The following FARS2 variants were observed in gnomAD, a reference collection of about 807,000 sequenced individuals.
FARS2 encodes the protein phenylalanyl-tRNA synthetase 2, mitochondrial.
A neutral mutation model predicts 46.4 loss-of-function variants in FARS2; 40 were observed. That is an observed-to-expected ratio of 0.86 (90% CI 0.67 to 1.12). The LOEUF (loss-of-function observed/expected upper bound fraction) is 1.12. Among genes scored for constraint, FARS2 ranks in the 50% most tolerant of loss-of-function variants. The pLI is 0.00. For missense variants in FARS2, 513 were observed against 567.9 expected (o/e 0.90, Z 0.98); for synonymous variants, 234 against 214.9 (o/e 1.09, Z -0.78).
At chr6:5,294,162 C>T (rs1767692672) in intron 1 of FARS2, among the ~76,000 whole-genome samples, 1 of 152,106 alleles carries the variant, frequency 6.6e-6, no homozygotes, top group African/African-American at 2.4e-5. Context: ...TTTATCAGTT[C>T]AGTTTAGCCA....
intron 4 of FARS2, among the ~76,000 whole-genome samples, chr6:5,497,603 AACTG>A (rs1304843031): frequency 3.3e-5 from 5 of 152,232 alleles, no homozygotes; most frequent in African/African-American, 1.2e-4. Flanking sequence ...AGCCTGTATT[AACTG>A]TTATCATGGT....
At chr6:5,486,563 T>A (rs980422859) in intron 4 of FARS2, among the ~76,000 whole-genome samples, 3 of 152,242 alleles carry the variant, frequency 2.0e-5, no homozygotes, top group Admixed American at 6.5e-5. Flanking sequence ...TTGCTTTCCC[T>A]TTGCTTGTGA....
chr6:5,537,242 T>C (rs1322646182), intron 4 of FARS2, among the ~76,000 whole-genome samples: 3 of 152,232 alleles, frequency 2.0e-5, no homozygotes, highest in African/African-American at 7.2e-5. Context: ...ACTCTGGGGA[T>C]AGAGGTTTGA....
At chr6:5,515,217 C>T (rs9504421) in intron 4 of FARS2, among the ~76,000 whole-genome samples, 21,151 of 151,864 alleles carry the variant, frequency 0.14, 1,504 homozygotes, top group South Asian at 0.19. Context: ...AATGTGACAC[C>T]GCACTGCTAC....
At chr6:5,658,263 A>C (rs1777694558) in intron 6 of FARS2, among the ~76,000 whole-genome samples, 1 of 152,176 alleles carries the variant, frequency 6.6e-6, no homozygotes, top group South Asian at 2.1e-4. Flanking sequence ...TCTCAAAAAA[A>C]AAAAAAAAAG....
At chr6:5,615,178 T>C (rs1342792533) in intron 6 of FARS2, among the ~76,000 whole-genome samples, 1 of 152,256 alleles carries the variant, frequency 6.6e-6, no homozygotes, top group Non-Finnish European at 1.5e-5. Context: ...GAATTATATC[T>C]TTAGGGATTT....
Position 5,329,461 on chromosome 6 carries a change from G to GT in FARS2, c.-21-39084dup, listed in dbSNP as rs1408367513. 3.5e-5 allele frequency among the ~76,000 whole-genome samples: 5 copies of GT among 144,550 alleles called. No individual in the cohort carries two copies. In the Admixed American group the frequency reaches 3.6e-4, roughly 10 times the overall value. The allele number at this position is 144,550 out of a possible 152,430, so 94.8% of individuals were successfully genotyped here. On this transcript the variant is annotated intron_variant, in intron 1 of 6. Coordinates refer to ENST00000274680, the MANE Select transcript of FARS2 (RefSeq NM_006567.5). Reference sequence around the variant, plus strand: ...AAAACTTGTGACAACAAATGTATGAGTTTTTAAATTTTTTTTATGTCAACC... The same window carrying GT: ...AAAACTTGTGACAACAAATGTATGAGTTTTTTAAATTTTTTTTATGTCAACC...
chr6:5,755,547 T>C (rs1191657312), intron 6 of FARS2, among the ~76,000 whole-genome samples: 1 of 152,258 alleles, frequency 6.6e-6, no homozygotes, highest in Non-Finnish European at 1.5e-5. Context: ...TTCTTTTATG[T>C]CTTTAAGCAT....
At chr6:5,518,673 A>G (rs185635735) in intron 4 of FARS2, among the ~76,000 whole-genome samples, 1 of 152,348 alleles carries the variant, frequency 6.6e-6, no homozygotes, top group East Asian at 1.9e-4. Flanking sequence ...AATTTTTATT[A>G]TAATTAATGT....
At chr6:5,265,667 A>G (rs553099255) in intron 1 of FARS2, among the ~76,000 whole-genome samples, 19 of 152,294 alleles carry the variant, frequency 1.2e-4, no homozygotes, top group African/African-American at 4.1e-4. Flanking sequence ...TAAATCAAAC[A>G]CTGATCCTGT....
At chr6:5,448,122 A>G (rs1764282655) in intron 4 of FARS2, among the ~76,000 whole-genome samples, 1 of 150,284 alleles carries the variant, frequency 6.7e-6, no homozygotes, top group Non-Finnish European at 1.5e-5. Flanking sequence ...GGGGACAGTG[A>G]GAGTGCTGGT....
chr6:5,771,327 C>T lies in FARS2; in HGVS notation c.1254C>T (p.Tyr418=). The T allele has an allele frequency of 6.2e-7, 1 of 1,614,224 alleles. No homozygotes were observed. The highest frequency in any genetic ancestry group is 8.5e-7 in the Non-Finnish European group (1 of 1,180,042). The change falls in exon 7 of 7, where the codon TAC becomes TAT. Residue 418 remains tyrosine (Y), a synonymous_variant. Coordinates refer to ENST00000274680, the MANE Select transcript of FARS2 (RefSeq NM_006567.5). ...CCAGCCACTGCTACCGCATCACGTA[C>T]CGCCACATGGAACGGACTCTGTCCC... ...HKTSHCYRIT[Y]RHMERTLSQR...
At chr6:5,763,484 CT>C (rs1301017486) in intron 6 of FARS2, among the ~76,000 whole-genome samples, 2 of 152,102 alleles carry the variant, frequency 1.3e-5, no homozygotes, top group African/African-American at 2.4e-5. Flanking sequence ...AAAAGGATCT[CT>C]TCTGTCTTCT....
chr6:5,631,247 A>T (rs1030706280), intron 6 of FARS2, among the ~76,000 whole-genome samples: 5 of 152,196 alleles, frequency 3.3e-5, no homozygotes, highest in African/African-American at 1.2e-4. Flanking sequence ...TGCATTGAAC[A>T]TCTTAGTTTT....
chr6:5,292,701 C>G (rs1044525888), intron 1 of FARS2, among the ~76,000 whole-genome samples: 4 of 152,098 alleles, frequency 2.6e-5, no homozygotes, highest in Non-Finnish European at 4.4e-5. Context: ...GCACCTGTAG[C>G]CTGGAGCTTT....
chr6:5,368,453 C>T, intron 1 of FARS2, 97 bp from the exon 2 acceptor site: 2 of 1,073,064 alleles, frequency 1.9e-6, no homozygotes, highest in Non-Finnish European at 2.7e-6. Context: ...GGAAACATGC[C>T]AGTAGGACAA....
intron 1 of FARS2, among the ~76,000 whole-genome samples, chr6:5,358,139 G>C (rs1372523991): frequency 6.6e-6 from 1 of 152,078 alleles, no homozygotes; most frequent in Non-Finnish European, 1.5e-5. Context: ...GCACAGTAAT[G>C]TTTTTAATTG....
intron 4 of FARS2, among the ~76,000 whole-genome samples, chr6:5,493,954 C>T (rs1365139518): frequency 1.3e-5 from 2 of 152,122 alleles, no homozygotes; most frequent in African/African-American, 4.8e-5. Flanking sequence ...GGTTTAAAGA[C>T]ACAGTGGACA....
At chr6:5,400,992 CT>C (rs1170731614) in intron 2 of FARS2, among the ~76,000 whole-genome samples, 4 of 151,738 alleles carry the variant, frequency 2.6e-5, no homozygotes, top group Non-Finnish European at 5.9e-5. Flanking sequence ...GCTATGCTTG[CT>C]TTTTTATTGT....
Sources: gnomAD v4.1 joint callset for allele counts (sites outside exome capture counted in the v4.1 genomes callset) on GRCh38, gnomAD v4.1.1 for gene constraint, MANE v1.5 for transcripts, NCBI Gene and HGNC (gene_info 2026-07-23, HGNC 2026-07-21) for gene names.